The following COL11A1 variants were observed in gnomAD, a reference collection of about 807,000 sequenced individuals.
The protein encoded by COL11A1 is collagen alpha-1(XI) chain.
In COL11A1, 74 loss-of-function variants were observed where a neutral mutation model predicts 265.2. The observed-to-expected ratio is 0.28, with a 90% CI of 0.23 to 0.34. The LOEUF is 0.34. COL11A1 is among the 10% of genes least tolerant of loss of function. The pLI, the probability that COL11A1 is intolerant of heterozygous loss-of-function variation, is 1.00. For missense variants in COL11A1, 2,165 were observed against 2,263.6 expected, an observed-to-expected ratio of 0.96 and a Z score of 0.88; for synonymous variants, 816 against 727.6, an observed-to-expected ratio of 1.12 and a Z score of -1.96.
intron 41 of COL11A1, among the ~76,000 whole-genome samples, chr1:102,956,256 G>A (rs1660362501): frequency 6.6e-6 from 1 of 151,880 alleles, no homozygotes; most frequent in Non-Finnish European, 1.5e-5. Context: ...ATTTCCTTAG[G>A]CAAAAAACAT....
At chr1:103,027,548 C>T (rs1470771704) in intron 5 of COL11A1, among the ~76,000 whole-genome samples, 1 of 150,886 alleles carries the variant, frequency 6.6e-6, no homozygotes, top group Non-Finnish European at 1.5e-5. Flanking sequence ...GCAATCTACA[C>T]ATAATTCCTT....
chr1:103,019,785 G>A (rs1406946519), intron 9 of COL11A1, among the ~76,000 whole-genome samples: 1 of 133,346 alleles, frequency 7.5e-6, no homozygotes, highest in African/African-American at 2.9e-5. Context: ...TCCCCTTCCT[G>A]TGTCCATGTG....
chr1:103,018,491 T>C (rs895982920), intron 10 of COL11A1, among the ~76,000 whole-genome samples: 1 of 152,160 alleles, frequency 6.6e-6, no homozygotes, highest in Non-Finnish European at 1.5e-5. Flanking sequence ...GAAGTTGAGA[T>C]TCCATTTGTT....
At chr1:102,915,053 C>T (rs925106210) in intron 50 of COL11A1, among the ~76,000 whole-genome samples, 5 of 152,062 alleles carry the variant, frequency 3.3e-5, no homozygotes, top group African/African-American at 2.4e-5. Flanking sequence ...TACAGGCACG[C>T]GCCACCAGGC....
At chr1:103,072,293 C>T (rs935425116) in intron 4 of COL11A1, among the ~76,000 whole-genome samples, 2 of 151,802 alleles carry the variant, frequency 1.3e-5, no homozygotes, top group Non-Finnish European at 2.9e-5. Flanking sequence ...CATAGTAGTA[C>T]CATTCTATTA....
At chr1:102,990,867 T>A in intron 28 of COL11A1, among the ~76,000 whole-genome samples, 1 of 151,900 alleles carries the variant, frequency 6.6e-6, no homozygotes, top group East Asian at 1.9e-4. Context: ...ACCCTGTCTC[T>A]ACTAAAAATA....
chr1:102,892,297 T>G (rs935638591), intron 57 of COL11A1, among the ~76,000 whole-genome samples: 1 of 152,190 alleles, frequency 6.6e-6, no homozygotes, highest in Admixed American at 6.6e-5. Context: ...TCACCACTAT[T>G]GTATCTTCTA....
intron 3 of COL11A1, among the ~76,000 whole-genome samples, chr1:103,076,228 A>T (rs899748160): frequency 6.6e-6 from 1 of 152,084 alleles, no homozygotes; most frequent in Non-Finnish European, 1.5e-5. Context: ...ATAGTCAGAA[A>T]ATTCTATCAG....
intron 63 of COL11A1, among the ~76,000 whole-genome samples, chr1:102,885,196 G>C (rs1159814973): frequency 6.6e-6 from 1 of 152,078 alleles, no homozygotes; most frequent in African/African-American, 2.4e-5. Context: ...TTTCGAGCTT[G>C]AATCTGAAGG....
At chr1:102,961,776 C>CA (rs1200197360) in intron 41 of COL11A1, 90 bp downstream of exon 41, 2 of 1,213,780 alleles carry the variant, frequency 1.6e-6, no homozygotes, top group Non-Finnish European at 2.4e-6. Flanking sequence ...TTCTCTCCCA[C>CA]ACACTGTGGA....
At chr1:102,958,672 T>C (rs1213483942) in intron 41 of COL11A1, among the ~76,000 whole-genome samples, 6 of 152,212 alleles carry the variant, frequency 3.9e-5, no homozygotes, top group Non-Finnish European at 8.8e-5. Flanking sequence ...TAAGGAATAA[T>C]TTTAATTGGT....
chr1:103,033,642 A>T (rs934409870), intron 4 of COL11A1, among the ~76,000 whole-genome samples: 1 of 152,146 alleles, frequency 6.6e-6, no homozygotes, highest in South Asian at 2.1e-4. Flanking sequence ...AATATTATAA[A>T]CAAGAACAAT....
At chr1:102,983,167 T>A (rs1164601418) in intron 31 of COL11A1, among the ~76,000 whole-genome samples, 1 of 152,110 alleles carries the variant, frequency 6.6e-6, no homozygotes, top group Non-Finnish European at 1.5e-5. Flanking sequence ...CAAAGTTTTA[T>A]GATAGGTTTG....
intron 14 of COL11A1, among the ~76,000 whole-genome samples, chr1:103,010,860 C>G (rs951330944): frequency 4.2e-4 from 64 of 152,114 alleles, no homozygotes; most frequent in African/African-American, 1.5e-3. Flanking sequence ...GCCACCACAC[C>G]CGGCGAATTT....
intron 53 of COL11A1, 78 bp downstream of exon 53, chr1:102,913,559 C>T: frequency 1.5e-6 from 2 of 1,356,082 alleles, no homozygotes; most frequent in Non-Finnish European, 1.1e-6. Context: ...TTTTCAAAGG[C>T]TGATTACTTC....
chr1:103,012,954 C>T (rs1009106926), intron 13 of COL11A1, among the ~76,000 whole-genome samples: 3 of 152,078 alleles, frequency 2.0e-5, no homozygotes, highest in Non-Finnish European at 2.9e-5. Context: ...TAACAAATCT[C>T]AGATATAATG....
In COL11A1 at chr1:103,004,511, G is replaced by C. The variant is rs1056933018; in HGVS notation, c.1900-23C>G. 3.1e-6 allele frequency: 5 copies of C among 1,607,254 alleles called. No homozygotes were observed. The African/African-American group carries it at 4.0e-5, about 13-fold the overall frequency. On this transcript the variant is annotated intron_variant, in intron 19 of 66. Transcript: ENST00000370096. The stretch of plus-strand genomic sequence containing the variant: ...TCCCTGTCATTGACAAAATGAATGA[G>C]AGTATAGAACATTTGGACAATGTAT...
At chr1:103,063,094 T>C (rs1027726308) in intron 4 of COL11A1, among the ~76,000 whole-genome samples, 4 of 152,060 alleles carry the variant, frequency 2.6e-5, no homozygotes, top group Non-Finnish European at 5.9e-5. Context: ...AAATATTCTA[T>C]GTTCATGGAT....
chr1:102,963,276 T>C (rs997702632), intron 38 of COL11A1, among the ~76,000 whole-genome samples: 12 of 152,186 alleles, frequency 7.9e-5, no homozygotes, highest in Non-Finnish European at 1.3e-4. Flanking sequence ...TTAATCTATA[T>C]TCATTTGACA....
Sources: allele counts gnomAD v4.1 joint callset (sites outside exome capture counted in the v4.1 genomes callset), GRCh38; gene constraint gnomAD v4.1.1; transcripts MANE v1.5; gene names NCBI Gene and HGNC (gene_info 2026-07-23, HGNC 2026-07-21).